The following REEP1 variants were observed in gnomAD, a reference collection of about 807,000 sequenced individuals.
REEP1 encodes the protein receptor accessory protein 1, also known as receptor expression-enhancing protein 1.
A neutral mutation model predicts 40.3 loss-of-function variants in REEP1; 22 were observed. The ratio of observed to expected loss-of-function variants is 0.55; its 90% CI spans 0.39 to 0.78. The LOEUF (loss-of-function observed/expected upper bound fraction) is 0.78, where lower values mean the gene tolerates loss of function less well. Ranked by LOEUF, REEP1 falls within the 30% of genes least tolerant of loss-of-function variation. The probability of loss-of-function intolerance (pLI) is 0.00; values close to 1 mark genes in which losing one functional copy is unlikely to be tolerated. For missense variants in REEP1, 280 were observed against 361.1 expected (o/e 0.78, Z 1.82); for synonymous variants, 116 against 139.2 (o/e 0.83, Z 1.17).
intron 4 of REEP1, among the ~76,000 whole-genome samples, chr2:86,253,149 C>T (rs1378251074): frequency 6.6e-6 from 1 of 152,090 alleles, no homozygotes; most frequent in Non-Finnish European, 1.5e-5. Context: ...GGCATGGTGG[C>T]ACGTGCCTAT....
chr2:86,218,902 G>A (rs1371913783), intron 8 of REEP1, among the ~76,000 whole-genome samples: 1 of 152,232 alleles, frequency 6.6e-6, no homozygotes, highest in Admixed American at 6.5e-5. Context: ...CCCCATATAA[G>A]TCTCACAAGG....
chr2:86,256,452 C>T (rs1051520132), intron 3 of REEP1, among the ~76,000 whole-genome samples: 3 of 151,978 alleles, frequency 2.0e-5, no homozygotes, highest in African/African-American at 7.3e-5. Context: ...TGGACTCTCA[C>T]ATTCCAGGCC....
intron 2 of REEP1, among the ~76,000 whole-genome samples, chr2:86,265,130 G>A (rs760838322): frequency 5.2e-4 from 79 of 152,272 alleles, no homozygotes; most frequent in African/African-American, 1.3e-3. Flanking sequence ...GACTCCAAGC[G>A]AAGAAGTCTG....
At chr2:86,298,354 C>A (rs1197609258) in intron 1 of REEP1, among the ~76,000 whole-genome samples, 1 of 152,170 alleles carries the variant, frequency 6.6e-6, no homozygotes, top group African/African-American at 2.4e-5. Context: ...AGCTCTGATC[C>A]CAACAGGCTG....
chr2:86,248,909 C>A (rs182500229), intron 5 of REEP1, among the ~76,000 whole-genome samples: 301 of 152,198 alleles, frequency 2.0e-3, no homozygotes, highest in African/African-American at 7.1e-3. Flanking sequence ...TAATTATTCC[C>A]CTTGGGTAAT....
chr2:86,318,420 A>C (rs1680130609), intron 1 of REEP1, among the ~76,000 whole-genome samples: 1 of 134,514 alleles, frequency 7.4e-6, no homozygotes, highest in African/African-American at 2.8e-5. Context: ...TTTTTTTGAG[A>C]TAGAGTCTTG....
intron 1 of REEP1, among the ~76,000 whole-genome samples, chr2:86,293,142 T>C (rs1678814370): frequency 6.6e-6 from 1 of 152,234 alleles, no homozygotes; most frequent in Non-Finnish European, 1.5e-5. Context: ...CAGTCCCTAC[T>C]CTGTGTCAGA....
At chr2:86,230,928 C>G (rs1285832678) in intron 6 of REEP1, among the ~76,000 whole-genome samples, 1 of 152,194 alleles carries the variant, frequency 6.6e-6, no homozygotes, top group South Asian at 2.1e-4. Context: ...TCATCTGAGG[C>G]TTGGTAGATG....
intron 5 of REEP1, among the ~76,000 whole-genome samples, chr2:86,236,122 A>G (rs567458484): frequency 1.3e-5 from 2 of 152,150 alleles, no homozygotes; most frequent in Non-Finnish European, 2.9e-5. Context: ...AGGCTGAGGC[A>G]GGAGAATCTT....
intron 3 of REEP1, among the ~76,000 whole-genome samples, chr2:86,258,002 T>C (rs2104269615): frequency 6.6e-6 from 1 of 152,332 alleles, no homozygotes; most frequent in Non-Finnish European, 1.5e-5. Context: ...ACGATGGTTA[T>C]GATCTTTACC....
intron 2 of REEP1, among the ~76,000 whole-genome samples, chr2:86,281,819 T>C (rs967881265): frequency 3.3e-5 from 5 of 152,150 alleles, no homozygotes; most frequent in Non-Finnish European, 7.4e-5. Flanking sequence ...TGCTGGACTT[T>C]TTCTCCATCA....
intron 1 of REEP1, among the ~76,000 whole-genome samples, chr2:86,287,504 CTA>C (rs1262252965): frequency 6.6e-6 from 1 of 152,280 alleles, no homozygotes; most frequent in Non-Finnish European, 1.5e-5. Context: ...AAAATTTACA[CTA>C]TGTTTTGTGC....
intron 2 of REEP1, among the ~76,000 whole-genome samples, chr2:86,275,398 G>A (rs1220492825): frequency 6.6e-6 from 1 of 152,234 alleles, no homozygotes; most frequent in East Asian, 1.9e-4. Flanking sequence ...AATGATTACA[G>A]AGGGACTGCC....
At chr2:86,269,131 G>A (rs1273150029) in intron 2 of REEP1, among the ~76,000 whole-genome samples, 5 of 152,130 alleles carry the variant, frequency 3.3e-5, no homozygotes, top group African/African-American at 7.2e-5. Context: ...GAAAAAAATC[G>A]TTAAGTTGGA....
intron 1 of REEP1, among the ~76,000 whole-genome samples, chr2:86,313,295 CTTTTCT>C (rs1679848770): frequency 7.4e-6 from 1 of 135,122 alleles, no homozygotes; most frequent in Non-Finnish European, 1.6e-5. Context: ...TTTTTCTTTT[CTTTTCT>C]TTTTTTTTTT....
At chr2:86,226,468 CTTTTTTTTTTT>C (rs745419771) in intron 7 of REEP1, among the ~76,000 whole-genome samples, 1 of 24,848 alleles carries the variant, frequency 4.0e-5, no homozygotes, top group Non-Finnish European at 1.1e-4. Context: ...TTTTTCTTTT[CTTTTTTTTTTT>C]TTTTTTTTGA....
At chr2:86,299,910 C>T in intron 1 of REEP1, among the ~76,000 whole-genome samples, 1 of 152,156 alleles carries the variant, frequency 6.6e-6, no homozygotes, top group Non-Finnish European at 1.5e-5. Context: ...GAATATGGCC[C>T]TCTAATACAA....
At chr2:86,239,440 AC>A (rs1159390558) in intron 5 of REEP1, among the ~76,000 whole-genome samples, 1 of 152,218 alleles carries the variant, frequency 6.6e-6, no homozygotes, top group East Asian at 1.9e-4. Flanking sequence ...ACTGAGGACA[AC>A]AACAATAAAG....
intron 1 of REEP1, among the ~76,000 whole-genome samples, chr2:86,333,109 G>A (rs1230070916): frequency 6.6e-6 from 1 of 152,204 alleles, no homozygotes; most frequent in Non-Finnish European, 1.5e-5. Context: ...ACAGTGCCAG[G>A]AAATCAATCC....
Sources: allele counts gnomAD v4.1 joint callset (sites outside exome capture counted in the v4.1 genomes callset), GRCh38; gene constraint gnomAD v4.1.1; transcripts MANE v1.5; gene names NCBI Gene and HGNC (gene_info 2026-07-23, HGNC 2026-07-21).